WDR11: variants seen among roughly 807,000 people sequenced by gnomAD.
WDR11 encodes the protein WD repeat domain 11.
WDR11 carries 83 observed loss-of-function variants against 151.2 expected under a neutral mutation model. That is an observed-to-expected ratio of 0.55 (90% confidence interval 0.46 to 0.66). The LOEUF (loss-of-function observed/expected upper bound fraction) is 0.66. Among genes scored for constraint, WDR11 ranks in the 30% least tolerant of loss-of-function variants. The pLI is 0.00. For synonymous variants in WDR11, 484 were observed against 533.1 expected, an observed-to-expected ratio of 0.91 and a Z score of 1.27; for missense variants, 1,301 against 1,480.9, an observed-to-expected ratio of 0.88 and a Z score of 1.99.
chr10:120,901,060 A>G lies in WDR11; in HGVS notation c.2649A>G (p.Ile883Met). Residue 883 changes from isoleucine (I) to methionine (M), a missense_variant, in exon 21 of 29, where the codon ATA (isoleucine) becomes ATG (methionine). By Grantham distance (10) the Ile-to-Met change is conservative (BLOSUM62 1). Around this residue, in one of 3 missense-constraint regions of WDR11, gnomAD observed 589 missense variants for 670.6 expected, o/e 0.88. Coordinates refer to ENST00000263461, the MANE Select transcript of WDR11 (RefSeq NM_018117.12). ...SHVDYPENEEIKNLLQEQLNS... is the reference protein window; with the variant it reads ...SHVDYPENEEMKNLLQEQLNS... Reference sequence around the variant, plus strand: ...GTGACTATCCAGAAAATGAAGAAATAAAGAATCTCCTCCAAGAACAGTTGA... The same window carrying G: ...GTGACTATCCAGAAAATGAAGAAATGAAGAATCTCCTCCAAGAACAGTTGA... The G allele has an allele frequency of 2.5e-6, 4 of 1,613,022 alleles. No homozygotes were observed. The highest frequency in any genetic ancestry group is 3.4e-6 in the Non-Finnish European group (4 of 1,179,096).
intron 23 of WDR11, among the ~76,000 whole-genome samples, chr10:120,903,467 G>A (rs1316703870): frequency 2.7e-5 from 4 of 150,022 alleles, no homozygotes; most frequent in African/African-American, 9.8e-5. Context: ...CTGAGATCAC[G>A]CCACTGCATT....
intron 1 of WDR11, chr10:120,852,121 G>T: frequency 4.0e-6 from 1 of 252,846 alleles, no homozygotes; most frequent in Non-Finnish European, 7.7e-6. Flanking sequence ...GGACTGAAAC[G>T]TCTTGTGCAG....
chr10:120,852,110 A>G (rs886661878), intron 1 of WDR11: 6 of 243,976 alleles, frequency 2.5e-5, no homozygotes, highest in Middle Eastern at 1.6e-3. Flanking sequence ...TGTTGTTAGG[A>G]GGACTGAAAC....
intron 6 of WDR11, 137 bp from the exon 7 acceptor site, chr10:120,865,493 A>T (rs547602335): frequency 5.7e-6 from 4 of 697,086 alleles, no homozygotes; most frequent in Non-Finnish European, 9.5e-6. Context: ...TTTTAAATGT[A>T]CATTTAGTTT....
chr10:120,863,940 T>G (rs933076407), intron 5 of WDR11, among the ~76,000 whole-genome samples: 1 of 152,226 alleles, frequency 6.6e-6, no homozygotes, highest in African/African-American at 2.4e-5. Context: ...TTTCTATTTT[T>G]TATGTATTCC....
chr10:120,903,661 T>A (rs1847925295), intron 23 of WDR11, among the ~76,000 whole-genome samples: 1 of 152,240 alleles, frequency 6.6e-6, no homozygotes, highest in Non-Finnish European at 1.5e-5. Flanking sequence ...TTAATTTGTC[T>A]TACATTTTTA....
At chr10:120,860,316 G>A (rs976351572) in intron 4 of WDR11, 34 bp downstream of exon 4, 1 of 1,602,038 alleles carries the variant, frequency 6.2e-7, no homozygotes, top group Non-Finnish European at 8.5e-7. Flanking sequence ...AATGAGTTAA[G>A]TGAGATATTT....
chr10:120,874,768 T>C (rs1424751462), intron 11 of WDR11, among the ~76,000 whole-genome samples: 1 of 151,874 alleles, frequency 6.6e-6, no homozygotes. Context: ...TAGTATTCCA[T>C]GGTGTGTATG....
At chr10:120,905,259 A>T in intron 25 of WDR11, 60 bp from the exon 26 acceptor site, 1 of 1,550,632 alleles carries the variant, frequency 6.4e-7, no homozygotes, top group Non-Finnish European at 8.9e-7. Context: ...TTAACTTTTT[A>T]ATGACTTCTC....
chr10:120,902,219 A>C, intron 21 of WDR11, 38 bp from the exon 22 acceptor site: 1 of 1,584,214 alleles, frequency 6.3e-7, no homozygotes, highest in Non-Finnish European at 8.7e-7. Flanking sequence ...GTTTGATTGA[A>C]AACTTTTGTC....
chr10:120,869,117 T>TG (rs1846426289), intron 9 of WDR11, among the ~76,000 whole-genome samples: 1 of 145,842 alleles, frequency 6.9e-6, no homozygotes, highest in African/African-American at 2.5e-5. Context: ...TTTTTTTTTT[T>TG]TTTTTTTTTT....
intron 4 of WDR11, among the ~76,000 whole-genome samples, chr10:120,860,507 C>A (rs527308954): frequency 6.6e-6 from 1 of 152,174 alleles, no homozygotes; most frequent in Non-Finnish European, 1.5e-5. Context: ...GCAAGCTACA[C>A]CTTCACTGTG....
chr10:120,898,781 C>G (rs756801237), intron 19 of WDR11, among the ~76,000 whole-genome samples: 2 of 133,410 alleles, frequency 1.5e-5, no homozygotes, highest in Non-Finnish European at 3.2e-5. Flanking sequence ...GTAAGTTTGC[C>G]TCCCCAGCCA....
chr10:120,897,731 T>G lies in WDR11; in HGVS notation c.2516-2298T>G, dbSNP rs555504750. Among the ~76,000 whole-genome samples the G allele has an allele frequency of 6.6e-5, 10 of 152,228 alleles. No individual in the cohort carries two copies. The South Asian group carries it at 2.1e-3, about 32-fold the overall frequency. ...GGAAGAGGACCATTCTAGATTGGAA[T>G]AGACTAAAGAGACATGACAATGCAG... On this transcript the variant is annotated intron_variant, in intron 19 of 28. Coordinates refer to ENST00000263461, the MANE Select transcript of WDR11 (RefSeq NM_018117.12).
intron 11 of WDR11, among the ~76,000 whole-genome samples, chr10:120,876,110 C>T (rs973833872): frequency 4.0e-5 from 6 of 151,416 alleles, no homozygotes; most frequent in African/African-American, 1.5e-4. Context: ...TCCCAAGTAG[C>T]TGGGATTACA....
At chr10:120,890,923 G>A in intron 19 of WDR11, 36 bp downstream of exon 19, 1 of 1,608,322 alleles carries the variant, frequency 6.2e-7, no homozygotes. Flanking sequence ...TTTGAAACCT[G>A]TCTTTACTTT....
At chr10:120,857,869 T>A (rs1251703413) in intron 2 of WDR11, among the ~76,000 whole-genome samples, 2 of 152,200 alleles carry the variant, frequency 1.3e-5, no homozygotes, top group Non-Finnish European at 2.9e-5. Flanking sequence ...TTACAGTTGA[T>A]GGACTCATGA....
intron 6 of WDR11, 91 bp downstream of exon 6, chr10:120,865,303 T>C (rs1846273987): frequency 8.0e-7 from 1 of 1,256,896 alleles, no homozygotes; most frequent in Admixed American, 1.9e-5. Context: ...TTGTCTTCAG[T>C]TCTCCACTTT....
At chr10:120,887,484 T>C (rs1457462963) in intron 16 of WDR11, among the ~76,000 whole-genome samples, 1 of 152,190 alleles carries the variant, frequency 6.6e-6, no homozygotes, top group East Asian at 1.9e-4. Context: ...AAAATAGGTA[T>C]ATTTATTTTA....
Sources: allele counts gnomAD v4.1 joint callset (sites outside exome capture counted in the v4.1 genomes callset), GRCh38; gene constraint gnomAD v4.1.1; regional missense constraint gnomAD v4.1.1; transcripts MANE v1.5; gene names NCBI Gene and HGNC (gene_info 2026-07-23, HGNC 2026-07-21).